MYO16: variants seen among roughly 807,000 people sequenced by gnomAD.
MYO16 encodes myosin XVI.
A neutral mutation model predicts 205.3 loss-of-function variants in MYO16; 94 were observed. The ratio of observed to expected loss-of-function variants is 0.46; its 90% CI spans 0.39 to 0.54. The LOEUF (loss-of-function observed/expected upper bound fraction) is 0.54. Among genes scored for constraint, MYO16 ranks in the 20% least tolerant of loss-of-function variants. MYO16 has a pLI of 0.00. For synonymous variants in MYO16, 988 were observed against 954.0 expected, an observed-to-expected ratio of 1.04 and a Z score of -0.66; for missense variants, 2,315 against 2,387.5, an observed-to-expected ratio of 0.97 and a Z score of 0.63.
intron 23 of MYO16, among the ~76,000 whole-genome samples, chr13:109,021,580 A>T (rs9521129): frequency 0.15 from 23,169 of 152,200 alleles, 2,163 homozygotes; most frequent in Non-Finnish European, 0.2. Context: ...GTGCAAGGAT[A>T]TGTGGAAGGC....
chr13:108,541,214 A>G, the MYO16 span, among the ~76,000 whole-genome samples: 1 of 151,924 alleles, frequency 6.6e-6, no homozygotes, highest in Non-Finnish European at 1.5e-5. Flanking sequence ...TGAAGTAAAA[A>G]TTTACATATT....
the MYO16 span, among the ~76,000 whole-genome samples, chr13:108,497,879 G>A: frequency 0.33 from 49,406 of 151,956 alleles, 8,236 homozygotes; most frequent in East Asian, 0.46. Flanking sequence ...GTTGGCTGCA[G>A]AACCCCAGTG....
At chr13:108,691,235 C>T (rs946183427) in intron 2 of MYO16, among the ~76,000 whole-genome samples, 5 of 152,004 alleles carry the variant, frequency 3.3e-5, no homozygotes, top group Non-Finnish European at 7.4e-5. Context: ...GAAAGTGTCT[C>T]GGTGCCACTT....
the MYO16 span, among the ~76,000 whole-genome samples, chr13:108,559,859 G>C: frequency 1.3e-5 from 2 of 151,972 alleles, no homozygotes; most frequent in Non-Finnish European, 2.9e-5. Flanking sequence ...ACAAGGTGCA[G>C]GAACACTAAA....
In MYO16 at chr13:108,793,620, A is replaced by G. The variant is rs1214315083; in HGVS notation, c.721A>G (p.Asn241Asp). Residue 241 changes from asparagine (N) to aspartate (D), a missense_variant, in exon 6 of 35, where the codon AAC becomes GAC. This residue lies in a region of MYO16 where 1,213 missense variants were observed against 1,274.4 expected (regional missense o/e 0.95). Coordinates refer to ENST00000457511, the MANE Select transcript of MYO16 (RefSeq NM_001198950.3). The part of the protein sequence containing the change: ...LSSGGNVNEK[N>D]DEGVTLLHMA... ...ATCTGGAGGAAATGTCAATGAGAAAAACGATGAAGGAGTAACCCTGGTAAG... is the reference window on the plus strand; with the variant it reads ...ATCTGGAGGAAATGTCAATGAGAAAGACGATGAAGGAGTAACCCTGGTAAG... 1.2e-6 allele frequency: 2 copies of G among 1,613,840 alleles called. No individual in the cohort carries two copies. Among genetic ancestry groups the G allele is most frequent in the Non-Finnish European group, 1.7e-6 (2 of 1,179,786 alleles).
chr13:109,179,801 C>G (rs1879379182), intron 34 of MYO16, among the ~76,000 whole-genome samples, 168 bp downstream of exon 34: 1 of 152,108 alleles, frequency 6.6e-6, no homozygotes, highest in African/African-American at 2.4e-5. Flanking sequence ...TCCACCTCAG[C>G]TGACTGCAAT....
the MYO16 span, among the ~76,000 whole-genome samples, chr13:108,567,070 G>A: frequency 7.2e-5 from 11 of 152,214 alleles, no homozygotes; most frequent in African/African-American, 2.6e-4. Flanking sequence ...ATATCTTTGA[G>A]CTGAAACATT....
chr13:108,536,490 G>A, the MYO16 span, among the ~76,000 whole-genome samples: 2 of 151,754 alleles, frequency 1.3e-5, no homozygotes, highest in Non-Finnish European at 2.9e-5. Context: ...GGTGGGGGTT[G>A]AATTTTAACA....
At chr13:109,010,139 C>A (rs1885543858) in intron 22 of MYO16, among the ~76,000 whole-genome samples, 1 of 152,146 alleles carries the variant, frequency 6.6e-6, no homozygotes, top group Non-Finnish European at 1.5e-5. Context: ...GTGTCTAGTA[C>A]ATTTTGTTGC....
intron 9 of MYO16, among the ~76,000 whole-genome samples, chr13:108,825,578 A>AAAATAAATAAATAAATAAAT (rs148579255): frequency 8.7e-4 from 129 of 148,872 alleles, no homozygotes; most frequent in Non-Finnish European, 1.4e-3. Context: ...ACCTAGCAAG[A>AAAATAAATAAATAAATAAAT]AAATAAATAA....
intron 27 of MYO16, among the ~76,000 whole-genome samples, chr13:109,064,400 G>A (rs1302863186): frequency 1.3e-5 from 2 of 152,086 alleles, no homozygotes; most frequent in Admixed American, 6.6e-5. Context: ...TCTCAATAAT[G>A]TTCTCTAATG....
chr13:109,043,676 A>G (rs185791580), intron 23 of MYO16, among the ~76,000 whole-genome samples: 135 of 152,288 alleles, frequency 8.9e-4, no homozygotes, highest in Admixed American at 1.4e-3. Flanking sequence ...TAGTAAATAT[A>G]AAAAAGCAGG....
intron 1 of MYO16, among the ~76,000 whole-genome samples, chr13:108,611,774 T>C (rs1374266628): frequency 2.6e-5 from 4 of 151,770 alleles, no homozygotes; most frequent in African/African-American, 9.7e-5. Flanking sequence ...GGTACTGTGC[T>C]CCTCCAACTT....
the MYO16 span, among the ~76,000 whole-genome samples, chr13:108,582,606 C>A: frequency 1.3e-5 from 2 of 152,094 alleles, no homozygotes; most frequent in Non-Finnish European, 2.9e-5. Flanking sequence ...ACCAAATGGT[C>A]TTGTGTCTGT....
At chr13:109,100,675 G>C (rs754123299) in intron 27 of MYO16, 110 bp from the exon 28 acceptor site, 13 of 778,264 alleles carry the variant, frequency 1.7e-5, no homozygotes, top group Non-Finnish European at 2.7e-5. Flanking sequence ...CTGGGATAAA[G>C]AAAGACGGGG....
chr13:108,632,263 C>T (rs754087091), intron 1 of MYO16, among the ~76,000 whole-genome samples: 2 of 152,138 alleles, frequency 1.3e-5, no homozygotes, highest in East Asian at 1.9e-4. Context: ...ATTCCTTCTT[C>T]GCCTGTCCTG....
chr13:109,018,973 T>C (rs74797710), intron 22 of MYO16, among the ~76,000 whole-genome samples: 1,778 of 140,312 alleles, frequency 0.013, 24 homozygotes, highest in Middle Eastern at 0.05. Context: ...TTTTTTTTTT[T>C]GTTTTTTTTT....
chr13:108,645,095 G>T (rs971939636), intron 1 of MYO16, among the ~76,000 whole-genome samples: 1 of 152,148 alleles, frequency 6.6e-6, no homozygotes, highest in Non-Finnish European at 1.5e-5. Context: ...GCCATGACAG[G>T]TCTCCTGAGT....
intron 20 of MYO16, among the ~76,000 whole-genome samples, chr13:108,986,546 CG>C (rs1884640863): frequency 6.7e-6 from 1 of 148,634 alleles, no homozygotes; most frequent in African/African-American, 2.5e-5. Flanking sequence ...CACTTGAACC[CG>C]GGAGGCGGAG....
Sources: allele counts gnomAD v4.1 joint callset (sites outside exome capture counted in the v4.1 genomes callset), GRCh38; gene constraint gnomAD v4.1.1; regional missense constraint gnomAD v4.1.1; transcripts MANE v1.5; gene names NCBI Gene and HGNC (gene_info 2026-07-23, HGNC 2026-07-21).